INSR: variants seen among roughly 807,000 people sequenced by gnomAD.
INSR encodes the protein insulin receptor, also known as IR.
In INSR, 67 loss-of-function variants were observed where a neutral mutation model predicts 142.6. The observed-to-expected ratio is 0.47, with a 90% CI of 0.39 to 0.58. INSR has a LOEUF of 0.58. Among genes scored for constraint, INSR ranks in the 20% least tolerant of loss-of-function variants. The pLI is 0.00. For missense variants in INSR, 1,248 were observed against 1,833.2 expected (o/e 0.68, Z 5.83); for synonymous variants, 756 against 743.1 (o/e 1.02, Z -0.28).
chr19:7,119,660 A>C lies in INSR; in HGVS notation c.3660-77T>G. 1 of 1,500,030 alleles carries C rather than the reference A, an allele frequency of 6.7e-7. No homozygotes were observed. The highest frequency in any genetic ancestry group is 9.2e-7 in the Non-Finnish European group (1 of 1,088,776). 92.9% of individuals were successfully genotyped at this position (1,500,030 alleles called of 1,614,324 possible). The stretch of plus-strand genomic sequence containing the variant: ...CACACGCGCGCGCGCAAACACACAC[A>C]CGCAAACGCACACACACACGCAAAC... On this transcript the variant is annotated intron_variant, in intron 20 of 21. Transcript: ENST00000302850. The surrounding 1 kb of genome is among the most constrained non-coding windows in gnomAD (Gnocchi z 5.2).
At chr19:7,148,310 A>G (rs1026960067) in intron 11 of INSR, among the ~76,000 whole-genome samples, 3 of 152,056 alleles carry the variant, frequency 2.0e-5, no homozygotes, top group Admixed American at 2.0e-4. Flanking sequence ...GGGGATATTT[A>G]GCAATGTCTG....
intron 2 of INSR, among the ~76,000 whole-genome samples, chr19:7,244,931 C>CTTTTTTTTTTTTTT (rs370936908): frequency 1.1e-5 from 1 of 88,060 alleles, no homozygotes; most frequent in African/African-American, 3.5e-5. Flanking sequence ...TTTGTTTTTG[C>CTTTTTTTTTTTTTT]TTTTTTTTTT....
chr19:7,121,683 G>A (rs1972496048), intron 19 of INSR, among the ~76,000 whole-genome samples: 1 of 152,172 alleles, frequency 6.6e-6, no homozygotes, highest in Admixed American at 6.5e-5. Context: ...GCCCAGGCTG[G>A]TCTCAAACTC....
intron 2 of INSR, among the ~76,000 whole-genome samples, chr19:7,238,178 A>C (rs750685153): frequency 6.6e-6 from 1 of 152,164 alleles, no homozygotes; most frequent in African/African-American, 2.4e-5. Flanking sequence ...TCCCACACTA[A>C]GGAAGTTCTC....
Position 7,159,205 on chromosome 19 carries a change from A to C in INSR, c.2029+3827T>G, listed in dbSNP as rs1973689186. On this transcript the variant is annotated intron_variant, in intron 9 of 21. Coordinates refer to ENST00000302850, the MANE Select transcript of INSR (RefSeq NM_000208.4). This position sits in a 1 kb window ranked among gnomAD's most constrained non-coding sequence, Gnocchi z 4.3. ...CAGGCGTGAGCCACTGTGCCCGGTA[A>C]ATCTCAACCATTTTAAGTGTGCAGT... 1.3e-5 allele frequency among the ~76,000 whole-genome samples: 2 copies of C among 151,994 alleles called. No individual in the cohort carries two copies. The highest frequency in any genetic ancestry group is 4.1e-4 in the South Asian group (2 of 4,826).
At chr19:7,288,449 G>A (rs1180037934) in intron 1 of INSR, among the ~76,000 whole-genome samples, 2 of 151,832 alleles carry the variant, frequency 1.3e-5, no homozygotes. Context: ...ACCAGCCTGG[G>A]CAACATAGTG....
At chr19:7,185,673 T>C (rs970348730) in intron 2 of INSR, among the ~76,000 whole-genome samples, 24 of 150,256 alleles carry the variant, frequency 1.6e-4, no homozygotes, top group Non-Finnish European at 3.4e-4. Context: ...TGAAACCCTG[T>C]CTCTACTAAA....
Position 7,142,982 on chromosome 19 carries a change from CG to C in INSR, c.2375del (p.Pro792ArgfsTer11). The part of the protein sequence containing the change: ...NTSSTSVPTS[P>X]EEHRPFEKVV... ...CCTTCTCAAAAGGCCTGTGCTCCTC[CG>C]GACTCGTGGGCACGCTGGTCGAGGA... On this transcript the variant is annotated frameshift_variant, in exon 12 of 22. Coordinates refer to ENST00000302850, the MANE Select transcript of INSR (RefSeq NM_000208.4). LOFTEE classifies it high-confidence loss of function. 6.2e-7 allele frequency: 1 copy of C among 1,614,176 alleles called. No individual in the cohort carries two copies.
At chr19:7,278,664 G>T (rs926875475) in intron 1 of INSR, among the ~76,000 whole-genome samples, 1 of 152,052 alleles carries the variant, frequency 6.6e-6, no homozygotes, top group African/African-American at 2.4e-5. Flanking sequence ...TTTGAGACCA[G>T]CCTGGCCAAC....
At chr19:7,178,818 G>A (rs944540571) in intron 3 of INSR, among the ~76,000 whole-genome samples, 1 of 152,224 alleles carries the variant, frequency 6.6e-6, no homozygotes, top group Non-Finnish European at 1.5e-5. Context: ...GATACATGCT[G>A]TTGCCACGAG....
At position 7,215,104 on chromosome 19, in the gene INSR, C is replaced by A. The variant is rs145390977; in HGVS notation, c.653-30467G>T. 4.5e-3 allele frequency among the ~76,000 whole-genome samples: 682 copies of A among 151,952 alleles called. 2 individuals carry two copies. The highest frequency in any genetic ancestry group is 0.015 in the African/African-American group (635 of 41,428). On this transcript the variant is annotated intron_variant, in intron 2 of 21. Transcript: ENST00000302850. ...CCGAGTAGCTGGGGCTACAGGCACA[C>A]GCCACTGTGCCTGGCTAAATTTTTA...
At chr19:7,240,648 T>C (rs1331380769) in intron 2 of INSR, among the ~76,000 whole-genome samples, 1 of 152,114 alleles carries the variant, frequency 6.6e-6, no homozygotes, top group East Asian at 1.9e-4. Flanking sequence ...TGCTCCAAAA[T>C]TTCCTGGCCC....
Position 7,141,803 on chromosome 19 carries a change from G to A in INSR, c.2556C>T (p.Asp852=). ...ARTMPEAKAD[D]IVGPVTHEIF... is the part of the protein sequence containing the mutation. ...TTTCATGCGTCACAGGGCCAACAAT[G>A]TCATCAGCCTTGGCTGTAAGGAGAG... Residue 852 remains aspartate (D), a synonymous_variant, in exon 13 of 22, where the codon GAC becomes GAT. Coordinates refer to ENST00000302850, the MANE Select transcript of INSR (RefSeq NM_000208.4). The A allele has an allele frequency of 6.2e-7, 1 of 1,614,112 alleles. No individual in the cohort carries two copies. The highest frequency in any genetic ancestry group is 8.5e-7 in the Non-Finnish European group (1 of 1,179,972).
chr19:7,253,922 A>G (rs1976810205), intron 2 of INSR, among the ~76,000 whole-genome samples: 1 of 150,474 alleles, frequency 6.6e-6, no homozygotes, highest in Non-Finnish European at 1.5e-5. Context: ...CCCAGCACTC[A>G]GGAGGCTGAG....
At position 7,254,878 on chromosome 19, in the gene INSR, G is replaced by T. The variant is rs147193881; in HGVS notation, c.652+12467C>A. On this transcript the variant is annotated intron_variant, in intron 2 of 21. Coordinates refer to ENST00000302850, the MANE Select transcript of INSR (RefSeq NM_000208.4). The stretch of plus-strand genomic sequence containing the variant: ...AGGAAGGAAAAGAAAAACTTGTCAG[G>T]CCAGTCACCAAGTTAGCAGACAGCC... Among the ~76,000 whole-genome samples the T allele has an allele frequency of 3.0e-4, 46 of 152,220 alleles. No homozygotes were observed. The East Asian group carries it at 8.7e-3, about 29-fold the overall frequency.
chr19:7,277,155 T>C (rs1439767684), intron 1 of INSR, among the ~76,000 whole-genome samples: 1 of 152,130 alleles, frequency 6.6e-6, no homozygotes, highest in Non-Finnish European at 1.5e-5. Flanking sequence ...CATTCCCAGA[T>C]TTATTACCTC....
chr19:7,292,527 C>A (rs1968525244), intron 1 of INSR, among the ~76,000 whole-genome samples: 1 of 151,822 alleles, frequency 6.6e-6, no homozygotes, highest in South Asian at 2.1e-4. Flanking sequence ...GTCGACTCAG[C>A]AAACCCGGTT....
chr19:7,120,800 C>T (rs1972473244), intron 19 of INSR, 51 bp from the exon 20 acceptor site: 1 of 1,604,550 alleles, frequency 6.2e-7, no homozygotes, highest in Admixed American at 1.7e-5. Flanking sequence ...TTGGTCCTAG[C>T]ATCTGCCACC....
rs1231883777 is a variant in INSR, at chr19:7,236,963, C to T, written c.652+30382G>A. On this transcript the variant is annotated intron_variant, in intron 2 of 21. Coordinates refer to ENST00000302850, the MANE Select transcript of INSR (RefSeq NM_000208.4). ...AATGGCATGAACCCAGGAGACAGAG[C>T]TTGCAGTGAGCCGAGATCGCGCCAC... 8.0e-5 allele frequency among the ~76,000 whole-genome samples: 12 copies of T among 149,630 alleles called. No individual in the cohort carries two copies. The South Asian group carries it at 2.1e-3, about 26-fold the overall frequency.
Sources: allele counts gnomAD v4.1 joint callset (sites outside exome capture counted in the v4.1 genomes callset), GRCh38; gene constraint gnomAD v4.1.1; non-coding constraint Gnocchi (gnomAD v3.1); transcripts MANE v1.5; gene names NCBI Gene and HGNC (gene_info 2026-07-23, HGNC 2026-07-21).